The following RBFOX1 variants were observed in gnomAD, a reference collection of about 807,000 sequenced individuals.
RBFOX1 encodes RNA binding fox-1 homolog 1.
In RBFOX1, 8 loss-of-function variants were observed where a neutral mutation model predicts 57.7. The observed-to-expected ratio is 0.14, with a 90% CI of 0.08 to 0.25. RBFOX1 has a LOEUF of 0.25. RBFOX1 is among the 10% of genes least tolerant of loss of function. The pLI is 1.00. For missense variants in RBFOX1, 611 were observed against 548.5 expected, an observed-to-expected ratio of 1.11 and a Z score of -1.14; for synonymous variants, 326 against 222.4, an observed-to-expected ratio of 1.47 and a Z score of -4.15.
At chr16:5,362,396 C>A (rs950853895) in intron 1 of RBFOX1, among the ~76,000 whole-genome samples, 3 of 152,136 alleles carry the variant, frequency 2.0e-5, no homozygotes, top group African/African-American at 7.2e-5. Context: ...GAGTTTCGCT[C>A]TTGTTGCCCA....
rs184777079 is a variant in RBFOX1 at position 6,843,698 on chromosome 16, A to C, written c.-16+189048A>C. ...AGCGAGACTCCATCTCAAAATAAAT[A>C]AGTAAAATTATAAAAAAGCTTTACA... On this transcript the variant is annotated intron_variant, in intron 3 of 15. Transcript: ENST00000550418. 5.4e-3 allele frequency among the ~76,000 whole-genome samples: 820 copies of C among 152,316 alleles called. 5 individuals are homozygous for C. Among genetic ancestry groups the C allele is most frequent in the Non-Finnish European group, 8.1e-3 (548 of 68,024 alleles).
chr16:7,004,315 G>C (rs559701316), intron 3 of RBFOX1, among the ~76,000 whole-genome samples: 4 of 152,188 alleles, frequency 2.6e-5, no homozygotes, highest in African/African-American at 9.6e-5. Context: ...GATACCTAAG[G>C]TTATATTTGT....
intron 2 of RBFOX1, among the ~76,000 whole-genome samples, chr16:5,502,001 G>C (rs567347339): frequency 2.6e-5 from 4 of 151,930 alleles, no homozygotes; most frequent in African/African-American, 4.8e-5. Flanking sequence ...GGGATTACAG[G>C]CATGAGCCAC....
chr16:6,423,645 C>A (rs567296329), intron 2 of RBFOX1, among the ~76,000 whole-genome samples: 3 of 152,018 alleles, frequency 2.0e-5, no homozygotes, highest in African/African-American at 4.8e-5. Flanking sequence ...AGTATGTCTT[C>A]CTACACAGGG....
At chr16:6,956,300 A>G (rs1047303410) in intron 3 of RBFOX1, among the ~76,000 whole-genome samples, 6 of 152,152 alleles carry the variant, frequency 3.9e-5, no homozygotes, top group Non-Finnish European at 1.5e-5. Context: ...GAGTCTTGCT[A>G]AGGAATCCCC....
intron 3 of RBFOX1, among the ~76,000 whole-genome samples, chr16:6,974,233 A>G (rs1334631927): frequency 6.6e-6 from 1 of 151,102 alleles, no homozygotes; most frequent in Admixed American, 6.6e-5. Flanking sequence ...GATAGTTGTA[A>G]CCCCTATGAA....
rs1436906359 is a variant in RBFOX1 at position 7,106,516 on chromosome 16, C to G, written c.27+54418C>G. On this transcript the variant is annotated intron_variant, in intron 4 of 15. Coordinates refer to ENST00000550418, the MANE Select transcript of RBFOX1 (RefSeq NM_018723.4). ...TTTATAATTCAGTAGGTCATTAATT[C>G]TGCACTACTTGTTGCCTTTTGGCTT... Among the ~76,000 whole-genome samples, 4 of 152,092 alleles carry G rather than the reference C, an allele frequency of 2.6e-5. No individual in the cohort carries two copies. The South Asian group carries it at 8.3e-4, about 32-fold the overall frequency.
chr16:6,248,688 T>A (rs2097584094), intron 1 of RBFOX1, among the ~76,000 whole-genome samples: 1 of 152,062 alleles, frequency 6.6e-6, no homozygotes, highest in Non-Finnish European at 1.5e-5. Context: ...GGAGGGGTGA[T>A]TTGATATAGA....
intron 2 of RBFOX1, among the ~76,000 whole-genome samples, chr16:6,396,253 C>T (rs2092830485): frequency 6.6e-6 from 1 of 151,940 alleles, no homozygotes; most frequent in African/African-American, 2.4e-5. Context: ...GGGGCTTTGA[C>T]CCTGGAAAGA....
intron 2 of RBFOX1, among the ~76,000 whole-genome samples, chr16:6,558,963 C>G (rs2097142234): frequency 6.6e-6 from 1 of 152,096 alleles, no homozygotes; most frequent in African/African-American, 2.4e-5. Context: ...TCTCCTTTCA[C>G]TCTCTACTCA....
At chr16:5,305,125 T>A (rs981381696) in intron 1 of RBFOX1, among the ~76,000 whole-genome samples, 2 of 152,146 alleles carry the variant, frequency 1.3e-5, no homozygotes, top group African/African-American at 2.4e-5. Context: ...TTGAGAAGTC[T>A]GAACGGGTAG....
intron 1 of RBFOX1, among the ~76,000 whole-genome samples, chr16:6,045,445 C>T (rs1229820448): frequency 6.6e-6 from 1 of 152,160 alleles, no homozygotes; most frequent in African/African-American, 2.4e-5. Flanking sequence ...AGTAGCAAAA[C>T]ACAGCCAGAC....
At chr16:7,096,785 A>G (rs1255794740) in intron 4 of RBFOX1, among the ~76,000 whole-genome samples, 1 of 152,018 alleles carries the variant, frequency 6.6e-6, no homozygotes, top group African/African-American at 2.4e-5. Context: ...TACAAAAATT[A>G]GTTGGGAGTG....
At chr16:6,227,988 C>G (rs1358065497) in intron 1 of RBFOX1, among the ~76,000 whole-genome samples, 1 of 152,114 alleles carries the variant, frequency 6.6e-6, no homozygotes. Flanking sequence ...TGTCTGCACT[C>G]CTGTGTTTAT....
chr16:5,654,717 G>A (rs1212799194), intron 3 of RBFOX1, among the ~76,000 whole-genome samples: 1 of 152,118 alleles, frequency 6.6e-6, no homozygotes, highest in African/African-American at 2.4e-5. Context: ...ACTGCCTGGT[G>A]TGATGTGCTC....
chr16:7,156,165 T>A (rs952943193), intron 4 of RBFOX1, among the ~76,000 whole-genome samples: 1 of 151,828 alleles, frequency 6.6e-6, no homozygotes, highest in Non-Finnish European at 1.5e-5. Context: ...CCACTGTGCC[T>A]GGCCGATCCC....
At chr16:6,390,917 C>A (rs1370617366) in intron 2 of RBFOX1, among the ~76,000 whole-genome samples, 1 of 152,052 alleles carries the variant, frequency 6.6e-6, no homozygotes, top group Non-Finnish European at 1.5e-5. Context: ...GCTTGTGGGG[C>A]CGGGTTTCTC....
intron 1 of RBFOX1, among the ~76,000 whole-genome samples, chr16:6,146,821 A>C (rs147715199): frequency 3.0e-4 from 46 of 152,298 alleles, no homozygotes; most frequent in Non-Finnish European, 4.4e-4. Context: ...TTGAGCTTTA[A>C]GTGGCGATTC....
chr16:5,263,445 G>A (rs1258527290), intron 1 of RBFOX1, among the ~76,000 whole-genome samples: 3 of 152,258 alleles, frequency 2.0e-5, no homozygotes, highest in East Asian at 1.9e-4. Context: ...TGACTTGAGG[G>A]CATAGCAGGG....
Sources: allele counts gnomAD v4.1 joint callset (sites outside exome capture counted in the v4.1 genomes callset), GRCh38; gene constraint gnomAD v4.1.1; transcripts MANE v1.5; gene names NCBI Gene and HGNC (gene_info 2026-07-23, HGNC 2026-07-21).